Variants in GNAS observed in about 807,000 individuals in gnomAD.
The protein encoded by GNAS is protein ALEX.
In GNAS, 8 loss-of-function variants were observed where a neutral mutation model predicts 54.5. The ratio of observed to expected loss-of-function variants is 0.15; its 90% CI spans 0.09 to 0.26. GNAS has a LOEUF of 0.26. Ranked by LOEUF, GNAS falls within the 10% of genes least tolerant of loss-of-function variation. The probability of loss-of-function intolerance (pLI) is 1.00; values close to 1 mark genes in which losing one functional copy is unlikely to be tolerated. For missense variants in GNAS, 170 were observed against 529.8 expected (o/e 0.32, Z 6.67); for synonymous variants, 204 against 191.4 (o/e 1.07, Z -0.54).
At chr20:58,891,415 G>A (rs1229485997), upstream of GNAS, 6 of 331,500 alleles carry the variant, frequency 1.8e-5, no homozygotes, top group African/African-American at 2.3e-5. Flanking sequence ...CGGCGGCAGC[G>A]GCGGCAGCAG....
intron 1 of GNAS, among the ~76,000 whole-genome samples, chr20:58,844,933 T>C (rs116859592): frequency 0.027 from 4,054 of 152,306 alleles, 77 homozygotes; most frequent in Middle Eastern, 0.054. Context: ...GGTTGCAAAA[T>C]GGTCTCAAAA....
In GNAS at chr20:58,841,498, A is replaced by T; in HGVS notation, c.43+612A>T. On this transcript the variant is annotated intron_variant, in intron 1 of 12. Transcript: ENST00000306090. The surrounding 1 kb of genome is among the most constrained non-coding windows in gnomAD (Gnocchi z 5.0). The stretch of plus-strand genomic sequence containing the variant: ...AGCCCAGGTCCCAGAGCTGACAATT[A>T]AGCCGCGGGACCTCCGCGCCAGTGC... The T allele has an allele frequency of 1.0e-6, 1 of 990,656 alleles. No individual in the cohort carries two copies. Among genetic ancestry groups the T allele is most frequent in the Non-Finnish European group, 1.2e-6 (1 of 833,812 alleles). 61.4% of individuals were successfully genotyped at this position (990,656 alleles called of 1,614,324 possible). A position where few individuals can be genotyped will look rare whatever the true frequency, so the allele number is the denominator to read the frequency against.
At chr20:58,888,773 C>G (rs1034721000), upstream of GNAS, 5 of 152,198 alleles carry the variant, frequency 3.3e-5, no homozygotes, top group Non-Finnish European at 7.3e-5. Context: ...CTGACACCTA[C>G]CTCGGCGGGC....
Position 58,884,142 on chromosome 20 carries a change from C to T in GNAS, c.44-11470C>T, listed in dbSNP as rs1265465002. Among the ~76,000 whole-genome samples, 3 of 152,256 alleles carry T rather than the reference C, an allele frequency of 2.0e-5. 1 individual carries two copies. In the South Asian group the frequency reaches 6.2e-4, roughly 32 times the overall value. On this transcript the variant is annotated intron_variant, in intron 1 of 12. Transcript: ENST00000306090. ...TCAGTTTTCCCAAACTGAGGCTAGA[C>T]CATAACGGCAGGGCTGTTTGAAAAT...
At chr20:58,898,835 C>CT in intron 2 of GNAS, 106 bp from the exon 3 acceptor site, 4 of 1,040,588 alleles carry the variant, frequency 3.8e-6, no homozygotes, top group Non-Finnish European at 6.1e-6. Context: ...CGAATTGTTG[C>CT]TTTTGCTCTT....
intron 2 of GNAS, among the ~76,000 whole-genome samples, chr20:58,896,193 G>A (rs2090034358): frequency 6.6e-6 from 1 of 152,054 alleles, no homozygotes; most frequent in Non-Finnish European, 1.5e-5. Context: ...ACCAGAAACA[G>A]ATGTGGAAGT....
rs1340430183 is a variant in GNAS, at chr20:58,906,532, CATT to C, written c.530+1062_530+1064del. Among the ~76,000 whole-genome samples, 11 of 152,000 alleles carry C rather than the reference CATT, an allele frequency of 7.2e-5. No individual in the cohort carries two copies. In the East Asian group the frequency reaches 1.2e-3, roughly 16 times the overall value. On this transcript the variant is annotated intron_variant, in intron 6 of 12. Transcript: ENST00000371085. ...CAGGGTTATTTAAAAAATATGTAAA[CATT>C]ATTATTATTTTTTTGAAACGGAGTC...
At chr20:58,889,018 AC>A (rs963979602), upstream of GNAS, 3 of 972,708 alleles carry the variant, frequency 3.1e-6, no homozygotes, top group African/African-American at 5.3e-5. Context: ...ACCGGCCTGC[AC>A]CCCCAGGGTG....
At chr20:58,906,697 A>G (rs1286587242) in intron 6 of GNAS, among the ~76,000 whole-genome samples, 1 of 152,024 alleles carries the variant, frequency 6.6e-6, no homozygotes. Context: ...ACAACCAGCT[A>G]ATTTTTGTAT....
chr20:58,847,101 T>C (rs985816691), intron 1 of GNAS, among the ~76,000 whole-genome samples: 1 of 152,236 alleles, frequency 6.6e-6, no homozygotes, highest in Non-Finnish European at 1.5e-5. Context: ...GACAGTGGCA[T>C]GCCTTGGCTG....
chr20:58,883,043 A>T (rs745385963), intron 1 of GNAS: 1 of 152,132 alleles, frequency 6.6e-6, no homozygotes, highest in African/African-American at 2.4e-5. Context: ...GGAAAAAAAA[A>T]AGTTCGTCAT....
In GNAS at chr20:58,853,737, C is replaced by T. The variant is rs752447089; in HGVS notation, c.43+12851C>T. On this transcript the variant is annotated intron_variant, in intron 1 of 12. Transcript: ENST00000306090. This position sits in a 1 kb window ranked among gnomAD's most constrained non-coding sequence, Gnocchi z 4.4. The stretch of plus-strand genomic sequence containing the variant: ...AGGCCTGGGAGGATACAGCCCTCCA[C>T]CAGAAGAAGCTATGCCCTTTGAGTT... 2 of 1,613,868 alleles carry T rather than the reference C, an allele frequency of 1.2e-6. No individual in the cohort carries two copies. The highest frequency in any genetic ancestry group is 1.7e-6 in the Non-Finnish European group (2 of 1,179,882).
upstream of GNAS, among the ~76,000 whole-genome samples, chr20:58,886,463 ACTCC>A (rs2145829751): frequency 6.6e-6 from 1 of 151,700 alleles, no homozygotes; most frequent in African/African-American, 2.4e-5. Flanking sequence ...AATCTCCATA[ACTCC>A]CTTCTCTTCC....
Position 58,883,763 on chromosome 20 carries a change from G to A in GNAS, c.44-11849G>A, listed in dbSNP as rs951649757. Among the ~76,000 whole-genome samples, 5 of 152,072 alleles carry A rather than the reference G, an allele frequency of 3.3e-5. No individual in the cohort carries two copies. In the South Asian group the frequency reaches 8.3e-4, roughly 25 times the overall value. On this transcript the variant is annotated intron_variant, in intron 1 of 12. Coordinates refer to the GNAS transcript ENST00000306090. Reference sequence around the variant, plus strand: ...GGAGGCTACATGGAAATCAAGCAGAGGAAGGCTGCAGTGGCCTTGGGAAGG... The same window carrying A: ...GGAGGCTACATGGAAATCAAGCAGAAGAAGGCTGCAGTGGCCTTGGGAAGG...
At chr20:58,896,812 T>G (rs2090110888) in intron 2 of GNAS, among the ~76,000 whole-genome samples, 2 of 152,270 alleles carry the variant, frequency 1.3e-5, no homozygotes, top group South Asian at 4.1e-4. Flanking sequence ...AACCTTGAGT[T>G]GCTTCAGCTT....
At position 58,874,709 on chromosome 20, in the gene GNAS, C is replaced by G. The variant is rs375186327; in HGVS notation, c.44-20903C>G. On this transcript the variant is annotated intron_variant, in intron 1 of 12. Transcript: ENST00000306090. ...CTTCTATCTTTGCTCCTGGCCTGCC[C>G]TCTATCTTTGCTGCTGGCCTGCCTT... Among the ~76,000 whole-genome samples the G allele has an allele frequency of 6.0e-5, 9 of 150,470 alleles. No individual in the cohort carries two copies. In the East Asian group the frequency reaches 1.7e-3, roughly 29 times the overall value.
chr20:58,902,082 T>A (rs1487895652), intron 3 of GNAS, among the ~76,000 whole-genome samples: 1 of 150,446 alleles, frequency 6.6e-6, no homozygotes, highest in Non-Finnish European at 1.5e-5. Flanking sequence ...AAAGATAAAC[T>A]CTGTCCCCTC....
upstream of GNAS, among the ~76,000 whole-genome samples, chr20:58,889,933 A>C (rs190105273): frequency 8.5e-3 from 1,289 of 151,788 alleles, 8 homozygotes; most frequent in Non-Finnish European, 0.014. Flanking sequence ...AGCGAGAAGA[A>C]GACGGCCGCG....
chr20:58,853,303 C>T lies in GNAS; in HGVS notation c.43+12417C>T. ...AACTGCCTCTACGGCAATAATATGT[C>T]AGGACAACGCGATATCCCCCCTGAA... On this transcript the variant is annotated intron_variant, in intron 1 of 12. Transcript: ENST00000306090. The surrounding 1 kb of genome is among the most constrained non-coding windows in gnomAD (Gnocchi z 4.4). 1 of 1,550,124 alleles carries T rather than the reference C, an allele frequency of 6.5e-7. No individual in the cohort carries two copies. The highest frequency in any genetic ancestry group is 2.4e-5 in the East Asian group (1 of 40,912).
Sources: gnomAD v4.1 joint callset for allele counts (sites outside exome capture counted in the v4.1 genomes callset) on GRCh38, gnomAD v4.1.1 for gene constraint, Gnocchi (gnomAD v3.1) non-coding constraint, MANE v1.5 for transcripts, NCBI Gene and HGNC (gene_info 2026-07-23, HGNC 2026-07-21) for gene names.